Variants in CNKSR2 observed in about 807,000 individuals in gnomAD.
CNKSR2 encodes the protein CNK homolog protein 2.
In CNKSR2, 14 loss-of-function variants were observed where a neutral mutation model predicts 84.4. The observed-to-expected ratio is 0.17, with a 90% CI of 0.11 to 0.26. The LOEUF (loss-of-function observed/expected upper bound fraction) is 0.26. Ranked by LOEUF, CNKSR2 falls within the 10% of genes least tolerant of loss-of-function variation. The probability of loss-of-function intolerance (pLI) is 1.00; values close to 1 mark genes in which losing one functional copy is unlikely to be tolerated. For synonymous variants in CNKSR2, 275 were observed against 277.9 expected, an observed-to-expected ratio of 0.99 and a Z score of 0.10; for missense variants, 485 against 771.2, an observed-to-expected ratio of 0.63 and a Z score of 4.40.
chrX:21,553,147 G>A (rs1286663175), intron 11 of CNKSR2, among the ~76,000 whole-genome samples: 1 of 110,778 alleles, frequency 9.0e-6, no homozygotes, highest in Non-Finnish European at 1.9e-5. Context: ...TGGCTGTGAG[G>A]ACACTTAAAC....
rs3217648 is a variant in CNKSR2, at chrX:21,374,594, G to GGCAGCAGCAGCAGCAGCAGCA, written c.-286_-266dup. Reference sequence around the variant, plus strand: ...ACGGAGACCGGAGCGGAGCGGCGGAGGCAGCAGCAGCAGCAGCAGCAGCAG... The same window carrying GGCAGCAGCAGCAGCAGCAGCA: ...ACGGAGACCGGAGCGGAGCGGCGGAGGCAGCAGCAGCAGCAGCAGCAGCAGCAGCAGCAGCAGCAGCAGCAG... On this transcript the variant is annotated 5_prime_UTR_variant, in exon 1 of 22. Coordinates refer to ENST00000379510, the MANE Select transcript of CNKSR2 (RefSeq NM_014927.5). The GGCAGCAGCAGCAGCAGCAGCA allele has an allele frequency of 2.8e-4, 129 of 456,269 alleles. 14 individuals are homozygous for GGCAGCAGCAGCAGCAGCAGCA. Among genetic ancestry groups the GGCAGCAGCAGCAGCAGCAGCA allele is most frequent in the South Asian group, 8.3e-4 (30 of 36,205 alleles). The allele number at this position is 456,269 out of a possible 1,213,427, so 37.6% of individuals were successfully genotyped here. A position where few individuals can be genotyped will look rare whatever the true frequency, so the allele number is the denominator to read the frequency against.
chrX:21,463,934 G>A (rs186641194), intron 4 of CNKSR2, among the ~76,000 whole-genome samples: 5 of 111,803 alleles, frequency 4.5e-5, no homozygotes, highest in Admixed American at 9.5e-5. Context: ...GGTTGATGCC[G>A]GTGCTCCCTT....
intron 5 of CNKSR2, among the ~76,000 whole-genome samples, chrX:21,482,611 A>C (rs1026779073): frequency 8.0e-5 from 9 of 112,157 alleles, no homozygotes; most frequent in Admixed American, 2.8e-4. Flanking sequence ...TGACTTACTA[A>C]TTTTAACGCA....
chrX:21,620,855 C>T (rs1204837434), intron 20 of CNKSR2, among the ~76,000 whole-genome samples: 4 of 110,924 alleles, frequency 3.6e-5, no homozygotes, highest in East Asian at 2.8e-4. Context: ...TTATAACTTA[C>T]GAGTTTAGTG....
chrX:21,613,309 T>G (rs1367470787), intron 20 of CNKSR2, among the ~76,000 whole-genome samples: 1 of 112,311 alleles, frequency 8.9e-6, no homozygotes, highest in Non-Finnish European at 1.9e-5. Context: ...CCGTATGTAC[T>G]AGCCAATTCA....
In CNKSR2 at chrX:21,490,456, C is replaced by T; in HGVS notation, c.562-3C>T. 1 of 1,194,180 alleles carries T rather than the reference C, an allele frequency of 8.4e-7. No homozygotes were observed. The highest frequency in any genetic ancestry group is 1.1e-6 in the Non-Finnish European group (1 of 886,791). On this transcript the variant is annotated splice_region_variant and splice_polypyrimidine_tract_variant and intron_variant, in intron 5 of 21. Coordinates refer to ENST00000379510, the MANE Select transcript of CNKSR2 (RefSeq NM_014927.5). ...ACAACTATTTTTGTTTTTGTGCTTC[C>T]AGTGTAAAACTCTTTCTGGAGTCTG... is the stretch of plus-strand genomic sequence containing the variant.
At chrX:21,423,801 C>A (rs1262842838) in intron 1 of CNKSR2, 1 of 111,398 alleles carries the variant, frequency 9.0e-6, no homozygotes, top group Admixed American at 9.5e-5. Context: ...CTAGCATGGA[C>A]TTTAGTCCTT....
At chrX:21,529,535 C>T (rs984612454) in intron 10 of CNKSR2, among the ~76,000 whole-genome samples, 1 of 110,949 alleles carries the variant, frequency 9.0e-6, no homozygotes, top group African/African-American at 3.3e-5. Context: ...TTAATGCTTC[C>T]TTAAATCCTT....
intron 1 of CNKSR2, among the ~76,000 whole-genome samples, chrX:21,383,304 T>C (rs2089924579): frequency 8.9e-6 from 1 of 112,890 alleles, no homozygotes; most frequent in African/African-American, 3.2e-5. Flanking sequence ...ATCTTACTCT[T>C]GCAATTTCAG....
chrX:21,404,052 T>C (rs779632154), intron 1 of CNKSR2, among the ~76,000 whole-genome samples: 1 of 112,194 alleles, frequency 8.9e-6, no homozygotes, highest in Admixed American at 9.4e-5. Context: ...TAAACAAAAT[T>C]GCAAGAATAG....
chrX:21,512,254 A>C (rs1419212461), intron 8 of CNKSR2, among the ~76,000 whole-genome samples: 3 of 111,618 alleles, frequency 2.7e-5, no homozygotes, highest in African/African-American at 9.8e-5. Context: ...CCTCACTTGG[A>C]AACTTGTATT....
chrX:21,518,792 GC>G (rs756555692), intron 9 of CNKSR2, among the ~76,000 whole-genome samples: 2 of 111,588 alleles, frequency 1.8e-5, no homozygotes, highest in South Asian at 7.3e-4. Context: ...ATTCAGCTAT[GC>G]TGCATGTATT....
intron 20 of CNKSR2, among the ~76,000 whole-genome samples, chrX:21,619,690 C>T (rs12009717): frequency 0.36 from 39,160 of 108,963 alleles, 8,666 homozygotes; most frequent in African/African-American, 0.83. Flanking sequence ...CTGTAACTTA[C>T]GAAATGGACA....
At chrX:21,517,600 C>G (rs1368741306) in intron 9 of CNKSR2, among the ~76,000 whole-genome samples, 2 of 110,621 alleles carry the variant, frequency 1.8e-5, no homozygotes, top group Admixed American at 1.9e-4. Flanking sequence ...TGATGAAAGG[C>G]AAGGATGTAA....
chrX:21,518,028 ATC>A (rs2091745997), intron 9 of CNKSR2, among the ~76,000 whole-genome samples: 2 of 112,028 alleles, frequency 1.8e-5, no homozygotes, highest in South Asian at 7.4e-4. Flanking sequence ...TTTAATGTGA[ATC>A]TATTTTTCAA....
chrX:21,505,856 G>A (rs1465962807), intron 8 of CNKSR2: 3 of 111,480 alleles, frequency 2.7e-5, no homozygotes, highest in Non-Finnish European at 5.7e-5. Context: ...AACAGCAGAT[G>A]TACTTTCTTT....
chrX:21,531,730 CAAAG>C (rs1407009372), intron 10 of CNKSR2, 122 bp from the exon 11 acceptor site: 9 of 401,562 alleles, frequency 2.2e-5, no homozygotes, highest in Non-Finnish European at 3.8e-5. Context: ...CTGTAAATCT[CAAAG>C]AAAGTTTGAA....
At chrX:21,377,149 A>G (rs1042943581) in intron 1 of CNKSR2, among the ~76,000 whole-genome samples, 3 of 112,325 alleles carry the variant, frequency 2.7e-5, no homozygotes, top group African/African-American at 9.7e-5. Flanking sequence ...TCGTGTATAC[A>G]TATGACTGGA....
At chrX:21,491,168 A>G (rs2147042631) in intron 6 of CNKSR2, 1 of 111,520 alleles carries the variant, frequency 9.0e-6, no homozygotes, top group South Asian at 3.7e-4. Context: ...ACCTGATTAA[A>G]AAGTGTATTG....
Sources: gnomAD v4.1 joint callset for allele counts (sites outside exome capture counted in the v4.1 genomes callset) on GRCh38, gnomAD v4.1.1 for gene constraint, MANE v1.5 for transcripts, NCBI Gene and HGNC (gene_info 2026-07-23, HGNC 2026-07-21) for gene names.